Variants in WWOX observed in about 807,000 individuals in gnomAD.
WWOX encodes WW domain-containing oxidoreductase.
WWOX carries 69 observed loss-of-function variants against 46.2 expected under a neutral mutation model. The ratio of observed to expected loss-of-function variants is 1.49; its 90% CI spans 1.23 to 1.82. WWOX has a LOEUF of 1.82. Among genes scored for constraint, WWOX ranks in the 40% most tolerant of loss-of-function variants. WWOX has a pLI of 0.00. For synonymous variants in WWOX, 359 were observed against 202.6 expected, an observed-to-expected ratio of 1.77 and a Z score of -6.56; for missense variants, 919 against 542.6, an observed-to-expected ratio of 1.69 and a Z score of -6.89.
intron 8 of WWOX, among the ~76,000 whole-genome samples, chr16:79,071,691 C>A (rs1055514983): frequency 2.0e-5 from 3 of 152,226 alleles, no homozygotes; most frequent in African/African-American, 7.2e-5. Flanking sequence ...CCCGCATTCC[C>A]CTTCACGTTG....
At position 78,958,012 on chromosome 16, in the gene WWOX, A is replaced by G. The variant is rs535218990; in HGVS notation, c.1057-253596A>G. On this transcript the variant is annotated intron_variant, in intron 8 of 8. Transcript: ENST00000566780. The stretch of plus-strand genomic sequence containing the variant: ...ATTTAATGCGTTTCTACATTTTCCC[A>G]AGGCCACATGAGCTGTTTTCTGGCG... Among the ~76,000 whole-genome samples the G allele has an allele frequency of 3.6e-4, 55 of 152,258 alleles. 1 individual carries two copies. Among genetic ancestry groups the G allele is most frequent in the African/African-American group, 1.2e-3 (51 of 41,554 alleles).
chr16:78,563,533 CT>C lies in WWOX; in HGVS notation c.1056+130792del, dbSNP rs1278131270. On this transcript the variant is annotated intron_variant, in intron 8 of 8. Transcript: ENST00000566780. Reference sequence around the variant, plus strand: ...CACACACACGCTTTTTTTTTTTTTTCTTTTTTTTTTTCTCCTATTGCAATAG... The same window carrying C: ...CACACACACGCTTTTTTTTTTTTTTCTTTTTTTTTTCTCCTATTGCAATAG... Among the ~76,000 whole-genome samples, 93 of 114,834 alleles carry C rather than the reference CT, an allele frequency of 8.1e-4. 1 individual carries two copies. Among genetic ancestry groups the C allele is most frequent in the African/African-American group, 2.0e-3 (62 of 30,258 alleles). 75.3% of individuals were successfully genotyped at this position (114,834 alleles called of 152,430 possible). A position where few individuals can be genotyped will look rare whatever the true frequency, so the allele number is the denominator to read the frequency against.
intron 8 of WWOX, among the ~76,000 whole-genome samples, chr16:78,884,336 A>G (rs1324874334): frequency 6.6e-6 from 1 of 151,946 alleles, no homozygotes; most frequent in Non-Finnish European, 1.5e-5. Context: ...AAATGTGCTC[A>G]TACATTTGCC....
intron 5 of WWOX, among the ~76,000 whole-genome samples, chr16:78,210,848 T>C (rs1331808699): frequency 6.6e-6 from 1 of 152,244 alleles, no homozygotes; most frequent in Admixed American, 6.5e-5. Flanking sequence ...CTACATTCTC[T>C]AAGGCAGTGT....
intron 8 of WWOX, among the ~76,000 whole-genome samples, chr16:78,575,767 T>C (rs1346713369): frequency 3.9e-5 from 6 of 152,178 alleles, no homozygotes; most frequent in African/African-American, 1.2e-4. Flanking sequence ...CTATTTACTT[T>C]TAACCCAACA....
chr16:79,173,222 C>A (rs1382740827), intron 8 of WWOX, among the ~76,000 whole-genome samples: 1 of 152,178 alleles, frequency 6.6e-6, no homozygotes, highest in Non-Finnish European at 1.5e-5. Flanking sequence ...TCACCTGCTC[C>A]CCTCCTGGGC....
At chr16:78,234,478 C>T (rs954104926) in intron 5 of WWOX, among the ~76,000 whole-genome samples, 2 of 152,140 alleles carry the variant, frequency 1.3e-5, no homozygotes, top group Non-Finnish European at 1.5e-5. Context: ...TACGTCTCTG[C>T]AGAGCTTACA....
At chr16:78,727,740 A>T (rs2048870124) in intron 8 of WWOX, among the ~76,000 whole-genome samples, 2 of 151,992 alleles carry the variant, frequency 1.3e-5, no homozygotes, top group South Asian at 4.2e-4. Flanking sequence ...GGACTTGGGG[A>T]TTGGACTCCA....
intron 8 of WWOX, among the ~76,000 whole-genome samples, chr16:79,122,211 CA>C (rs2150677915): frequency 6.6e-6 from 1 of 151,890 alleles, no homozygotes; most frequent in East Asian, 1.9e-4. Flanking sequence ...CCTCTGGGCA[CA>C]ATTAAAAGCT....
chr16:79,104,666 C>G (rs2049271606), intron 8 of WWOX, among the ~76,000 whole-genome samples: 1 of 152,150 alleles, frequency 6.6e-6, no homozygotes, highest in Non-Finnish European at 1.5e-5. Flanking sequence ...TTTAAAAATG[C>G]AGGTCATGAT....
At chr16:78,602,048 G>C (rs933902620) in intron 8 of WWOX, among the ~76,000 whole-genome samples, 1 of 152,190 alleles carries the variant, frequency 6.6e-6, no homozygotes, top group Non-Finnish European at 1.5e-5. Flanking sequence ...TTAAAATGCA[G>C]ACTTCCTTAG....
intron 8 of WWOX, among the ~76,000 whole-genome samples, chr16:79,178,941 C>G (rs538918395): frequency 1.6e-4 from 24 of 152,294 alleles, no homozygotes; most frequent in African/African-American, 5.3e-4. Flanking sequence ...TTCCCATTGA[C>G]TATGCAGGAC....
intron 8 of WWOX, among the ~76,000 whole-genome samples, chr16:78,619,436 C>T (rs1051943489): frequency 9.5e-5 from 14 of 147,042 alleles, no homozygotes; most frequent in East Asian, 2.0e-4. Flanking sequence ...CAAATTTGTA[C>T]ACACTGCATG....
At position 78,674,369 on chromosome 16, in the gene WWOX, C is replaced by G. The variant is rs2047540790; in HGVS notation, c.1056+241617C>G. Among the ~76,000 whole-genome samples, 4 of 151,482 alleles carry G rather than the reference C, an allele frequency of 2.6e-5. No individual in the cohort carries two copies. In the South Asian group the frequency reaches 8.4e-4, roughly 32 times the overall value. On this transcript the variant is annotated intron_variant, in intron 8 of 8. Coordinates refer to ENST00000566780, the MANE Select transcript of WWOX (RefSeq NM_016373.4). Reference sequence around the variant, plus strand: ...GTGCGATCTTGGCTCACTGCAACCTCTCCCTTCCAAGTTCAAGCAATTGTC... The same window carrying G: ...GTGCGATCTTGGCTCACTGCAACCTGTCCCTTCCAAGTTCAAGCAATTGTC...
intron 8 of WWOX, among the ~76,000 whole-genome samples, chr16:78,981,267 G>A (rs759703802): frequency 1.3e-5 from 2 of 152,018 alleles, no homozygotes; most frequent in Admixed American, 6.6e-5. Context: ...ATTTCTCTGC[G>A]CTGGCTGATG....
chr16:79,169,704 C>T (rs2050663428), intron 8 of WWOX, among the ~76,000 whole-genome samples: 1 of 152,182 alleles, frequency 6.6e-6, no homozygotes, highest in Non-Finnish European at 1.5e-5. Context: ...AATGGACCTG[C>T]CAAATGGGTG....
At chr16:78,143,910 T>C (rs1414003869) in intron 4 of WWOX, among the ~76,000 whole-genome samples, 1 of 152,176 alleles carries the variant, frequency 6.6e-6, no homozygotes, top group Non-Finnish European at 1.5e-5. Context: ...CAGCTTTCTT[T>C]TTCTTAACAC....
chr16:78,297,908 T>A (rs188512808), intron 5 of WWOX, among the ~76,000 whole-genome samples: 33 of 152,332 alleles, frequency 2.2e-4, no homozygotes, highest in African/African-American at 5.5e-4. Context: ...AAATCTCATC[T>A]TGAATTCTAA....
At chr16:79,139,281 C>T (rs186446928) in intron 8 of WWOX, among the ~76,000 whole-genome samples, 5 of 152,262 alleles carry the variant, frequency 3.3e-5, no homozygotes, top group African/African-American at 9.6e-5. Context: ...TCACGTTAAG[C>T]CAGGAGAGAT....
Sources: allele counts gnomAD v4.1 joint callset (sites outside exome capture counted in the v4.1 genomes callset), GRCh38; gene constraint gnomAD v4.1.1; transcripts MANE v1.5; gene names NCBI Gene and HGNC (gene_info 2026-07-23, HGNC 2026-07-21).